The following CAMTA1 variants were observed in gnomAD, a reference collection of about 807,000 sequenced individuals.
CAMTA1 encodes calmodulin binding transcription activator 1.
A neutral mutation model predicts 170.9 loss-of-function variants in CAMTA1; 27 were observed. That is an observed-to-expected ratio of 0.16 (90% CI 0.12 to 0.22). CAMTA1 has a LOEUF of 0.22. CAMTA1 is among the 10% of genes least tolerant of loss of function. The probability of loss-of-function intolerance (pLI) is 1.00; values close to 1 mark genes in which losing one functional copy is unlikely to be tolerated. For synonymous variants in CAMTA1, 833 were observed against 891.5 expected, an observed-to-expected ratio of 0.93 and a Z score of 1.17; for missense variants, 1,619 against 2,217.2, an observed-to-expected ratio of 0.73 and a Z score of 5.42.
At chr1:7,415,407 G>T (rs1447737186) in intron 5 of CAMTA1, among the ~76,000 whole-genome samples, 3 of 151,702 alleles carry the variant, frequency 2.0e-5, no homozygotes, top group Admixed American at 6.6e-5. Context: ...TCTCTTTGTA[G>T]GTCACTCAGG....
chr1:7,165,258 A>C (rs1359614424), intron 4 of CAMTA1, among the ~76,000 whole-genome samples: 2 of 152,222 alleles, frequency 1.3e-5, no homozygotes, highest in Admixed American at 6.5e-5. Flanking sequence ...AGCATAGAGA[A>C]TAATGTAATG....
In CAMTA1 at chr1:7,234,811, G is replaced by C. The variant is rs1238414373; in HGVS notation, c.303-14680G>C. On this transcript the variant is annotated intron_variant, in intron 4 of 22. Transcript: ENST00000303635. This position sits in a 1 kb window ranked among gnomAD's most constrained non-coding sequence, Gnocchi z 5.0. ...ACCTTTTTTTTTTTTTTTTTAGATAGAGTCTCACTTTGTCACCCAGGCTGG... is the reference window on the plus strand; with the variant it reads ...ACCTTTTTTTTTTTTTTTTTAGATACAGTCTCACTTTGTCACCCAGGCTGG... Among the ~76,000 whole-genome samples the C allele has an allele frequency of 7.3e-6, 1 of 137,408 alleles. No homozygotes were observed. Among genetic ancestry groups the C allele is most frequent in the Non-Finnish European group, 1.5e-5 (1 of 65,288 alleles). The allele number at this position is 137,408 out of a possible 152,430, so 90.1% of individuals were successfully genotyped here.
At position 7,403,230 on chromosome 1, in the gene CAMTA1, T is replaced by C. The variant is rs2090040215; in HGVS notation, c.439-64600T>C. ...TTAGCCAGGCGTGATGACGGGTGCC[T>C]GTAATCCCAGCTACTCGAGAGGCTG... On this transcript the variant is annotated intron_variant, in intron 5 of 22. Coordinates refer to ENST00000303635, the MANE Select transcript of CAMTA1 (RefSeq NM_015215.4). Among the ~76,000 whole-genome samples, 3 of 152,212 alleles carry C rather than the reference T, an allele frequency of 2.0e-5. No individual in the cohort carries two copies. The South Asian group carries it at 6.2e-4, about 32-fold the overall frequency.
At chr1:6,864,483 C>CG (rs1459942861) in intron 3 of CAMTA1, among the ~76,000 whole-genome samples, 1 of 152,176 alleles carries the variant, frequency 6.6e-6, no homozygotes, top group African/African-American at 2.4e-5. Context: ...ACTTGAGATA[C>CG]CACCCCACCT....
chr1:6,945,854 G>C (rs541266351), intron 3 of CAMTA1, among the ~76,000 whole-genome samples: 2 of 152,254 alleles, frequency 1.3e-5, no homozygotes, highest in South Asian at 4.2e-4. Context: ...TTTATTGCTG[G>C]ATAACATCCT....
At chr1:7,421,393 A>C (rs1277161288) in intron 5 of CAMTA1, among the ~76,000 whole-genome samples, 1 of 152,140 alleles carries the variant, frequency 6.6e-6, no homozygotes, top group African/African-American at 2.4e-5. Context: ...ACCTCAGCTC[A>C]TCCGCCCGTC....
At chr1:7,119,419 C>T (rs7532024) in intron 4 of CAMTA1, among the ~76,000 whole-genome samples, 56,467 of 151,942 alleles carry the variant, frequency 0.37, 11,030 homozygotes, top group African/African-American at 0.47. Flanking sequence ...CTCCTCTTGC[C>T]GAAACTAATA....
At chr1:7,535,647 T>A (rs2094540518) in intron 6 of CAMTA1, among the ~76,000 whole-genome samples, 1 of 152,176 alleles carries the variant, frequency 6.6e-6, no homozygotes, top group Non-Finnish European at 1.5e-5. Flanking sequence ...ATGTCACTGA[T>A]GCAAACACAG....
chr1:7,655,505 C>T (rs1276821961), intron 7 of CAMTA1, among the ~76,000 whole-genome samples: 1 of 135,478 alleles, frequency 7.4e-6, no homozygotes, highest in Admixed American at 7.8e-5. Context: ...AACACACATA[C>T]ACACACCTAT....
chr1:7,613,092 G>A (rs137886458), intron 6 of CAMTA1, among the ~76,000 whole-genome samples: 48 of 152,280 alleles, frequency 3.2e-4, no homozygotes, highest in Non-Finnish European at 5.4e-4. Context: ...ATCAGCAGGT[G>A]CCCACCAAAC....
At chr1:6,787,344 TG>T (rs1016308924) in intron 1 of CAMTA1, among the ~76,000 whole-genome samples, 1 of 152,224 alleles carries the variant, frequency 6.6e-6, no homozygotes, top group Non-Finnish European at 1.5e-5. Flanking sequence ...TGTTGTCTCT[TG>T]TGGGATCCAG....
intron 6 of CAMTA1, among the ~76,000 whole-genome samples, chr1:7,498,453 G>A (rs1481239511): frequency 6.6e-6 from 1 of 151,338 alleles, no homozygotes; most frequent in Non-Finnish European, 1.5e-5. Flanking sequence ...GTGTGTGAAT[G>A]TGCATGACAG....
At chr1:7,488,344 T>A (rs904160402) in intron 6 of CAMTA1, among the ~76,000 whole-genome samples, 1 of 152,078 alleles carries the variant, frequency 6.6e-6, no homozygotes, top group African/African-American at 2.4e-5. Context: ...CTCCAGACCC[T>A]GGTGTCTGGC....
At chr1:7,710,332 T>G (rs1162015491) in intron 11 of CAMTA1, among the ~76,000 whole-genome samples, 1 of 152,154 alleles carries the variant, frequency 6.6e-6, no homozygotes, top group Non-Finnish European at 1.5e-5. Flanking sequence ...GTGTGTTGGC[T>G]CACACCTGTA....
chr1:7,430,540 T>C (rs1037057259), intron 5 of CAMTA1, among the ~76,000 whole-genome samples: 1 of 152,026 alleles, frequency 6.6e-6, no homozygotes, highest in African/African-American at 2.4e-5. Flanking sequence ...CCGATGATGA[T>C]GATGGGTATG....
intron 3 of CAMTA1, among the ~76,000 whole-genome samples, chr1:6,847,643 A>G (rs1429104073): frequency 6.6e-6 from 1 of 151,440 alleles, no homozygotes; most frequent in Non-Finnish European, 1.5e-5. Context: ...GGTTCAAGCA[A>G]TTCTTCCTGC....
chr1:7,653,469 C>T (rs1246596443), intron 7 of CAMTA1, among the ~76,000 whole-genome samples: 2 of 152,100 alleles, frequency 1.3e-5, no homozygotes, highest in African/African-American at 2.4e-5. Context: ...CGCCATTTTG[C>T]CAAGGCTGGT....
At chr1:7,761,051 T>C (rs2096971342) in intron 22 of CAMTA1, among the ~76,000 whole-genome samples, 2 of 152,236 alleles carry the variant, frequency 1.3e-5, no homozygotes, top group Admixed American at 1.3e-4. Context: ...CTTTCAGTGC[T>C]GTTGCTTACG....
intron 11 of CAMTA1, among the ~76,000 whole-genome samples, chr1:7,724,673 A>G (rs1226105652): frequency 6.6e-6 from 1 of 152,094 alleles, no homozygotes; most frequent in Non-Finnish European, 1.5e-5. Flanking sequence ...AATACAAAAA[A>G]TTAGCCAGGT....
Sources: allele counts gnomAD v4.1 joint callset (sites outside exome capture counted in the v4.1 genomes callset), GRCh38; gene constraint gnomAD v4.1.1; non-coding constraint Gnocchi (gnomAD v3.1); transcripts MANE v1.5; gene names NCBI Gene and HGNC (gene_info 2026-07-23, HGNC 2026-07-21).